The following TSPAN7 variants were observed in gnomAD, a reference collection of about 807,000 sequenced individuals.
The protein encoded by TSPAN7 is tetraspanin 7, also known as tetraspanin-7.
Under a neutral mutation model 17.6 loss-of-function variants are expected in TSPAN7, and 1 was observed. The observed-to-expected ratio is 0.06, with a 90% CI of 0.02 to 0.27. The LOEUF is 0.27. TSPAN7 is among the 10% of genes least tolerant of loss of function. TSPAN7 has a pLI of 1.00. For missense variants in TSPAN7, 112 were observed against 201.7 expected, an observed-to-expected ratio of 0.56 and a Z score of 2.69; for synonymous variants, 78 against 79.0, an observed-to-expected ratio of 0.99 and a Z score of 0.07.
At chrX:38,622,779 A>G (rs1368648520) in intron 1 of TSPAN7, 8 of 285,521 alleles carry the variant, frequency 2.8e-5, no homozygotes, top group Non-Finnish European at 4.6e-5. Flanking sequence ...CTTGGTTTCT[A>G]TGACTTGTTT....
intron 6 of TSPAN7, among the ~76,000 whole-genome samples, chrX:38,684,671 A>G (rs1362536119): frequency 9.0e-6 from 1 of 111,314 alleles, no homozygotes; most frequent in African/African-American, 3.3e-5. Flanking sequence ...TTCTGTATTT[A>G]GTACTTCTGT....
intron 5 of TSPAN7, among the ~76,000 whole-genome samples, chrX:38,678,878 A>G (rs1417992308): frequency 8.9e-6 from 1 of 111,877 alleles, no homozygotes; most frequent in Non-Finnish European, 1.9e-5. Context: ...GTTAAAATTC[A>G]TTAAAAATAT....
intron 1 of TSPAN7, among the ~76,000 whole-genome samples, chrX:38,565,175 T>C (rs2147392159): frequency 8.9e-6 from 1 of 112,022 alleles, no homozygotes; most frequent in East Asian, 2.8e-4. Flanking sequence ...TTGTCAAAAC[T>C]TCTGGGATTA....
chrX:38,561,743 C>G, intron 1 of TSPAN7, 116 bp downstream of exon 1: 1 of 623,509 alleles, frequency 1.6e-6, no homozygotes, highest in Non-Finnish European at 2.4e-6. Context: ...TGGGACCCCT[C>G]TTTAAGGAGA....
intron 1 of TSPAN7, among the ~76,000 whole-genome samples, chrX:38,661,034 C>T (rs1284150101): frequency 1.8e-5 from 2 of 111,729 alleles, no homozygotes; most frequent in Non-Finnish European, 3.8e-5. Context: ...CACAAAACAG[C>T]GTGGGCTCAA....
At chrX:38,596,153 G>A (rs1352744887) in intron 1 of TSPAN7, among the ~76,000 whole-genome samples, 2 of 111,421 alleles carry the variant, frequency 1.8e-5, no homozygotes, top group Non-Finnish European at 3.8e-5. Flanking sequence ...TTTATCTGCA[G>A]ATAACAGCTT....
chrX:38,681,179 C>T (rs780326507), intron 5 of TSPAN7, 25 bp from the exon 6 acceptor site: 93 of 1,182,259 alleles, frequency 7.9e-5, no homozygotes, highest in Non-Finnish European at 1.0e-4. Flanking sequence ...AACATGTCTC[C>T]AAGACAGTGT....
chrX:38,667,153 G>A (rs752802721), intron 2 of TSPAN7, among the ~76,000 whole-genome samples: 1 of 111,714 alleles, frequency 9.0e-6, no homozygotes, highest in South Asian at 3.8e-4. Flanking sequence ...GACTTATGCA[G>A]TGTCAAGTGT....
At chrX:38,625,094 C>G (rs1273296923) in intron 1 of TSPAN7, among the ~76,000 whole-genome samples, 1 of 111,331 alleles carries the variant, frequency 9.0e-6, no homozygotes, top group Non-Finnish European at 1.9e-5. Flanking sequence ...TTTCCAGACC[C>G]CTGAGAACTA....
At chrX:38,681,063 T>C in intron 5 of TSPAN7, 141 bp from the exon 6 acceptor site, 1 of 522,249 alleles carries the variant, frequency 1.9e-6, no homozygotes, top group Non-Finnish European at 3.4e-6. Context: ...TTGAAAAGAA[T>C]GCTAATAAAT....
chrX:38,651,047 T>TTAAA (rs1224340332), intron 1 of TSPAN7, among the ~76,000 whole-genome samples: 3 of 63,727 alleles, frequency 4.7e-5, no homozygotes, highest in African/African-American at 9.6e-5. Context: ...AGAAATGTGA[T>TTAAA]TACATATATA....
chrX:38,603,082 AAAAGGC>A (rs1339773056), intron 1 of TSPAN7, among the ~76,000 whole-genome samples: 1 of 112,257 alleles, frequency 8.9e-6, no homozygotes, highest in Admixed American at 9.4e-5. Flanking sequence ...GTCAATATTT[AAAAGGC>A]AAATAATTAA....
intron 1 of TSPAN7, among the ~76,000 whole-genome samples, chrX:38,585,233 T>G (rs2069251688): frequency 8.9e-6 from 1 of 112,042 alleles, no homozygotes; most frequent in Admixed American, 9.5e-5. Flanking sequence ...TAAACTGGTT[T>G]TTTAAATGGT....
At chrX:38,602,008 C>A (rs1171248117) in intron 1 of TSPAN7, among the ~76,000 whole-genome samples, 2 of 111,961 alleles carry the variant, frequency 1.8e-5, no homozygotes, top group Non-Finnish European at 3.8e-5. Context: ...AGTCACATCA[C>A]CAAGCCCAGT....
chrX:38,620,750 C>T (rs1485880786), intron 1 of TSPAN7, among the ~76,000 whole-genome samples: 1 of 111,872 alleles, frequency 8.9e-6, no homozygotes, highest in African/African-American at 3.3e-5. Flanking sequence ...AAGGACTAGA[C>T]ATAGGGCAGG....
At chrX:38,600,141 G>A (rs1169713715) in intron 1 of TSPAN7, among the ~76,000 whole-genome samples, 1 of 111,530 alleles carries the variant, frequency 9.0e-6, no homozygotes. Flanking sequence ...TACCCTCTTG[G>A]CAGAGTCCAG....
chrX:38,673,969 C>A (rs2069837618), intron 3 of TSPAN7, among the ~76,000 whole-genome samples: 1 of 111,557 alleles, frequency 9.0e-6, no homozygotes, highest in Non-Finnish European at 1.9e-5. Context: ...CAGGCCCCTC[C>A]AGTAGGTCAT....
chrX:38,606,336 C>A (rs2069383023), intron 1 of TSPAN7, among the ~76,000 whole-genome samples: 1 of 111,942 alleles, frequency 8.9e-6, no homozygotes, highest in South Asian at 3.7e-4. Flanking sequence ...ATATTAAATT[C>A]TTAAGACATT....
At chrX:38,658,094 GGGC>G (rs1283470316) in intron 1 of TSPAN7, among the ~76,000 whole-genome samples, 16 of 70,603 alleles carry the variant, frequency 2.3e-4, no homozygotes, top group Non-Finnish European at 1.3e-4. Context: ...TAATCTCAGT[GGGC>G]TGTACTGGGT....
Sources: gnomAD v4.1 joint callset for allele counts (sites outside exome capture counted in the v4.1 genomes callset) on GRCh38, gnomAD v4.1.1 for gene constraint, MANE v1.5 for transcripts, NCBI Gene and HGNC (gene_info 2026-07-23, HGNC 2026-07-21) for gene names.